BSN: variants seen among roughly 807,000 people sequenced by gnomAD.
BSN encodes the protein bassoon presynaptic cytomatrix protein, also known as protein bassoon.
A neutral mutation model predicts 264.8 loss-of-function variants in BSN; 57 were observed. The ratio of observed to expected loss-of-function variants is 0.22; its 90% confidence interval spans 0.17 to 0.27. The LOEUF (loss-of-function observed/expected upper bound fraction) is 0.27. Ranked by LOEUF, BSN falls within the 10% of genes least tolerant of loss-of-function variation. BSN has a pLI of 1.00. For missense variants in BSN, 4,615 were observed against 5,232.5 expected, an observed-to-expected ratio of 0.88 and a Z score of 3.64; for synonymous variants, 2,059 against 2,137.3, an observed-to-expected ratio of 0.96 and a Z score of 1.01.
chr3:49,586,326 C>CCCTATCTATCTA (rs139054986), intron 1 of BSN, among the ~76,000 whole-genome samples: 2 of 149,496 alleles, frequency 1.3e-5, no homozygotes, highest in Non-Finnish European at 3.0e-5. Flanking sequence ...GTTTTCCCAG[C>CCCTATCTATCTA]TCTATCTATC....
intron 1 of BSN, among the ~76,000 whole-genome samples, chr3:49,587,707 A>C (rs1161140843): frequency 8.0e-6 from 1 of 125,538 alleles, no homozygotes; most frequent in African/African-American, 3.0e-5. Flanking sequence ...GCCTGTGACC[A>C]GTATGATTGG....
At chr3:49,672,025 C>T (rs1050065292), downstream of BSN, among the ~76,000 whole-genome samples, 1 of 100,434 alleles carries the variant, frequency 1.0e-5, no homozygotes, top group South Asian at 4.7e-4. Flanking sequence ...GTTGCTAGAC[C>T]TTTTTTTTTT....
rs745626347 is a variant in BSN, at chr3:49,652,914, C to T, written c.3358C>T (p.Arg1120Cys). The change falls in exon 5 of 12, where the codon CGC becomes TGC. Residue 1120 changes from arginine to cysteine, a missense_variant. Physicochemically the swap from Arg to Cys is radical, Grantham distance 180. Coordinates refer to ENST00000296452, the MANE Select transcript of BSN (RefSeq NM_003458.4). ...GGCGGCCGAGATGGAGGAGCTACAC[C>T]GCTCCTCCTGCTCTGAGTACTCACC... is the stretch of plus-strand genomic sequence containing the variant. The part of the protein sequence containing the change: ...RQAAEMEELH[R>C]SSCSEYSPSP... 20 of 1,610,060 alleles carry T rather than the reference C, an allele frequency of 1.2e-5. No individual in the cohort carries two copies. The highest frequency in any genetic ancestry group is 2.7e-5 in the African/African-American group (2 of 74,842).
At chr3:49,606,211 G>GTA (rs370104978) in intron 1 of BSN, among the ~76,000 whole-genome samples, 5 of 11,960 alleles carry the variant, frequency 4.2e-4, no homozygotes, top group African/African-American at 2.0e-3. Context: ...TATTATATAT[G>GTA]TATATATTAT....
chr3:49,558,301 A>G (rs1337279564), intron 1 of BSN, among the ~76,000 whole-genome samples: 2 of 152,218 alleles, frequency 1.3e-5, no homozygotes, highest in Middle Eastern at 3.2e-3. Context: ...TGGTGGGGGA[A>G]AGCCAGGGCA....
Position 49,651,662 on chromosome 3 carries a change from G to A in BSN, c.2106G>A (p.Gln702=). 1.2e-6 allele frequency: 2 copies of A among 1,614,136 alleles called. No homozygotes were observed. The highest frequency in any genetic ancestry group is 2.2e-5 in the South Asian group (2 of 91,074). Residue 702 remains glutamine, a synonymous_variant, in exon 5 of 12, where the codon CAG becomes CAA. Transcript: ENST00000296452. The surrounding 1 kb of genome is among the most constrained non-coding windows in gnomAD (Gnocchi z 5.4). ...AGAGTGAGATCACAGGAGTCGTGCA[G>A]CAGGAGGTGGAACAGCTGGACAGTG... is the stretch of plus-strand genomic sequence containing the variant. The part of the protein sequence containing the change: ...SSQSEITGVV[Q]QEVEQLDSAG...
intron 1 of BSN, among the ~76,000 whole-genome samples, chr3:49,574,438 A>G (rs572207284): frequency 6.6e-5 from 10 of 151,926 alleles, no homozygotes; most frequent in Non-Finnish European, 1.2e-4. Context: ...AAGCCTGCAC[A>G]TGGTAGCTTT....
At chr3:49,602,769 G>A (rs187026667) in intron 1 of BSN, among the ~76,000 whole-genome samples, 125 of 152,194 alleles carry the variant, frequency 8.2e-4, no homozygotes, top group African/African-American at 2.6e-3. Flanking sequence ...CAATTTCCTC[G>A]TCTAGACCTC....
In BSN at chr3:49,654,699, G is replaced by T; in HGVS notation, c.5143G>T (p.Val1715Phe). 1 of 1,613,698 alleles carries T rather than the reference G, an allele frequency of 6.2e-7. No individual in the cohort carries two copies. The highest frequency in any genetic ancestry group is 1.3e-5 in the African/African-American group (1 of 75,044). ...GRQSTAVQPLVINLNAQEHTF... is the reference protein window; with the variant it reads ...GRQSTAVQPLFINLNAQEHTF... ...GCAGTCGACCGCCGTGCAGCCCTTG[G>T]TTATCAACCTCAATGCCCAGGAGCA... Residue 1715 changes from valine (V) to phenylalanine (F), a missense_variant, in exon 5 of 12, where the codon GTT becomes TTT. Physicochemically the swap from Val to Phe is conservative, Grantham distance 50. Coordinates refer to ENST00000296452, the MANE Select transcript of BSN (RefSeq NM_003458.4). The surrounding 1 kb of genome is among the most constrained non-coding windows in gnomAD (Gnocchi z 4.1).
At chr3:49,594,985 G>T (rs1401317113) in intron 1 of BSN, among the ~76,000 whole-genome samples, 6 of 150,824 alleles carry the variant, frequency 4.0e-5, no homozygotes, top group Non-Finnish European at 8.8e-5. Flanking sequence ...CTGCCTCCCA[G>T]GTTCAAGTGA....
In BSN at chr3:49,663,814, A is replaced by G. The variant is rs769131092; in HGVS notation, c.11536A>G (p.Lys3846Glu). Residue 3846 changes from lysine (K) to glutamate (E), a missense_variant, in exon 8 of 12, where the codon AAA (lysine) becomes GAA (glutamate). Lys to Glu is a moderately conservative substitution (Grantham distance 56). Coordinates refer to ENST00000296452, the MANE Select transcript of BSN (RefSeq NM_003458.4). Reference protein sequence around the residue: ...PPRAEQTNGSKGTAKAPQQGR... With the variant: ...PPRAEQTNGSEGTAKAPQQGR... The stretch of plus-strand genomic sequence containing the variant: ...ACGGGCAGAACAGACAAATGGCTCT[A>G]AAGGGACAGCCAAAGCACCGCAACA... The G allele has an allele frequency of 1.2e-6, 2 of 1,614,150 alleles. No individual in the cohort carries two copies. Among genetic ancestry groups the G allele is most frequent in the Non-Finnish European group, 8.5e-7 (1 of 1,180,020 alleles).
In BSN at chr3:49,661,683, C is replaced by T; in HGVS notation, c.9838C>T (p.Leu3280=). The change falls in exon 6 of 12, where the codon CTG becomes TTG. Residue 3280 remains leucine, a synonymous_variant. Coordinates refer to ENST00000296452, the MANE Select transcript of BSN (RefSeq NM_003458.4). ...GEPGVLDGPT[L]PCCYARGEEE... is the part of the protein sequence containing the mutation. ...ACCAGGTGTCCTTGACGGGCCCACA[C>T]TGCCCTGCTGCTATGCCAGAGGAGA... 1 of 1,613,754 alleles carries T rather than the reference C, an allele frequency of 6.2e-7. No individual in the cohort carries two copies. Among genetic ancestry groups the T allele is most frequent in the Non-Finnish European group, 8.5e-7 (1 of 1,180,046 alleles).
chr3:49,654,397 G>T lies in BSN; in HGVS notation c.4841G>T (p.Gly1614Val). Residue 1614 changes from glycine to valine, a missense_variant, in exon 5 of 12, where the codon GGC becomes GTC. Physicochemically the swap from Gly to Val is moderately radical, Grantham distance 109. Transcript: ENST00000296452. The surrounding 1 kb of genome is among the most constrained non-coding windows in gnomAD (Gnocchi z 4.1). ...CCCCCAGAGCCACCTGGGCCACCTG[G>T]CTTTCCACGGGTGCCCAGTGCTGGT... The part of the protein sequence containing the change: ...QLPPEPPGPP[G>V]FPRVPSAGAD... 1 of 1,603,094 alleles carries T rather than the reference G, an allele frequency of 6.2e-7. No individual in the cohort carries two copies. Among genetic ancestry groups the T allele is most frequent in the Non-Finnish European group, 8.5e-7 (1 of 1,175,392 alleles).
chr3:49,562,671 A>G lies in BSN; in HGVS notation c.224+7845A>G, dbSNP rs998109985. On this transcript the variant is annotated intron_variant, in intron 1 of 11. Coordinates refer to ENST00000296452, the MANE Select transcript of BSN (RefSeq NM_003458.4). Reference sequence around the variant, plus strand: ...GCCAGCTAGCAGACTTTAGCAAACCAAAATGCCGAATGCTGTGGAGAACTG... The same window carrying G: ...GCCAGCTAGCAGACTTTAGCAAACCGAAATGCCGAATGCTGTGGAGAACTG... Among the ~76,000 whole-genome samples the G allele has an allele frequency of 3.3e-5, 5 of 152,372 alleles. No homozygotes were observed. In the East Asian group the frequency reaches 9.6e-4, roughly 29 times the overall value.
rs776401950 is a variant in BSN at position 49,657,372 on chromosome 3, C to T, written c.7816C>T (p.Arg2606Trp). ...CTTGAGTCGGCGACGCCGGGCACGG[C>T]GGAGTGCTGACTGCAGTGTGCAGAC... ...YLLSRRRRAR[R>W]SADCSVQTDD... The change falls in exon 5 of 12, where the codon CGG (arginine) becomes TGG (tryptophan). Residue 2606 changes from arginine to tryptophan, a missense_variant. This residue lies in a region of BSN where 3,415 missense variants were observed against 3,866.4 expected (regional missense o/e 0.88). Coordinates refer to ENST00000296452, the MANE Select transcript of BSN (RefSeq NM_003458.4). 1.2e-5 allele frequency: 20 copies of T among 1,613,274 alleles called. No homozygotes were observed. The highest frequency in any genetic ancestry group is 2.2e-5 in the South Asian group (2 of 91,086).
At position 49,619,114 on chromosome 3, in the gene BSN, T is replaced by TATCCA. The variant is rs1396807278; in HGVS notation, c.225-5860_225-5859insTCCAA. On this transcript the variant is annotated intron_variant, in intron 1 of 11. Transcript: ENST00000296452. ...GTGAATTCCTGAATGAATGAATGAA[T>TATCCA]AAATATCTATTGTTGGAGTCATTTT... is the stretch of plus-strand genomic sequence containing the variant. Among the ~76,000 whole-genome samples the TATCCA allele has an allele frequency of 5.3e-5, 8 of 152,178 alleles. No homozygotes were observed. The South Asian group carries it at 8.3e-4, about 16-fold the overall frequency.
At chr3:49,612,075 G>T (rs976159636) in intron 1 of BSN, among the ~76,000 whole-genome samples, 2 of 151,632 alleles carry the variant, frequency 1.3e-5, no homozygotes, top group African/African-American at 2.4e-5. Flanking sequence ...AAACAGAAAA[G>T]AAAACTTTAC....
At position 49,660,387 on chromosome 3, in the gene BSN, A is replaced by G. The variant is rs970750935; in HGVS notation, c.8641-99A>G. On this transcript the variant is annotated intron_variant, in intron 5 of 11. Transcript: ENST00000296452. The surrounding 1 kb of genome is among the most constrained non-coding windows in gnomAD (Gnocchi z 7.1). ...TCAGGGCACCAGCAAGATGGAACCC[A>G]GCTCCTTCCCCAGCCCAGGCCTGGG... 1.1e-5 allele frequency: 16 copies of G among 1,499,882 alleles called. No homozygotes were observed. In the Admixed American group the frequency reaches 3.7e-4, roughly 35 times the overall value. 92.9% of individuals were successfully genotyped at this position (1,499,882 alleles called of 1,614,324 possible). A position where few individuals can be genotyped will look rare whatever the true frequency, so the allele number is the denominator to read the frequency against.
intron 1 of BSN, among the ~76,000 whole-genome samples, chr3:49,556,062 G>C (rs1172817775): frequency 6.6e-6 from 1 of 152,210 alleles, no homozygotes; most frequent in African/African-American, 2.4e-5. Context: ...AGCTATAATA[G>C]TAATGCAGTT....
Sources: allele counts gnomAD v4.1 joint callset (sites outside exome capture counted in the v4.1 genomes callset), GRCh38; gene constraint gnomAD v4.1.1; regional missense constraint gnomAD v4.1.1; non-coding constraint Gnocchi (gnomAD v3.1); transcripts MANE v1.5; gene names NCBI Gene and HGNC (gene_info 2026-07-23, HGNC 2026-07-21).